The following NELL1 variants were observed in gnomAD, a reference collection of about 807,000 sequenced individuals.
NELL1 encodes neural EGFL like 1, also known as protein kinase C-binding protein NELL1.
Under a neutral mutation model 107.4 loss-of-function variants are expected in NELL1, and 76 were observed. That is an observed-to-expected ratio of 0.71 (90% CI 0.59 to 0.86). The LOEUF (loss-of-function observed/expected upper bound fraction) is 0.86. Ranked by LOEUF, NELL1 falls within the 40% of genes least tolerant of loss-of-function variation. NELL1 has a pLI of 0.00. For synonymous variants in NELL1, 353 were observed against 341.2 expected (o/e 1.03, Z -0.38); for missense variants, 1,024 against 1,005.5 (o/e 1.02, Z -0.25).
intron 14 of NELL1, among the ~76,000 whole-genome samples, chr11:21,238,106 A>T (rs892888651): frequency 2.0e-5 from 3 of 152,002 alleles, no homozygotes; most frequent in African/African-American, 7.2e-5. Flanking sequence ...TAGACTTCTC[A>T]TTTCTACTTC....
At chr11:20,831,721 A>G (rs757186182) in intron 3 of NELL1, among the ~76,000 whole-genome samples, 4 of 152,174 alleles carry the variant, frequency 2.6e-5, no homozygotes, top group Non-Finnish European at 5.9e-5. Context: ...CCCAAAATAA[A>G]TGATTCTAAA....
rs1854565672 is a variant in NELL1, at chr11:21,484,060, A to C, written c.1646-50314A>C. On this transcript the variant is annotated intron_variant, in intron 15 of 19. Transcript: ENST00000357134. ...CAAATGTGACCTCATTATATAAAATATCCTAAGTATTTAGCCAGCGTTAAT... is the reference window on the plus strand; with the variant it reads ...CAAATGTGACCTCATTATATAAAATCTCCTAAGTATTTAGCCAGCGTTAAT... Among the ~76,000 whole-genome samples the C allele has an allele frequency of 3.6e-5, 5 of 139,418 alleles. No homozygotes were observed. The East Asian group carries it at 1.0e-3, about 29-fold the overall frequency. 91.5% of individuals were successfully genotyped at this position (139,418 alleles called of 152,430 possible). A position where few individuals can be genotyped will look rare whatever the true frequency, so the allele number is the denominator to read the frequency against.
At chr11:20,981,966 C>G (rs948641412) in intron 12 of NELL1, among the ~76,000 whole-genome samples, 1 of 152,020 alleles carries the variant, frequency 6.6e-6, no homozygotes. Flanking sequence ...TTCTCTCTCT[C>G]TCTCTCTCTC....
At chr11:21,471,794 G>A (rs1854190685) in intron 15 of NELL1, among the ~76,000 whole-genome samples, 2 of 151,952 alleles carry the variant, frequency 1.3e-5, no homozygotes, top group African/African-American at 4.8e-5. Context: ...TCAATTCACT[G>A]AACAAATACA....
intron 13 of NELL1, among the ~76,000 whole-genome samples, chr11:21,141,300 G>T (rs1855861761): frequency 6.6e-6 from 1 of 152,168 alleles, no homozygotes; most frequent in South Asian, 2.1e-4. Context: ...TGTTCCTTCA[G>T]GACACAATCT....
At chr11:21,422,511 T>C (rs1371916744) in intron 15 of NELL1, among the ~76,000 whole-genome samples, 1 of 152,122 alleles carries the variant, frequency 6.6e-6, no homozygotes, top group Non-Finnish European at 1.5e-5. Flanking sequence ...CAATTATTAG[T>C]ATATTTATTA....
At chr11:21,155,960 C>T (rs777739652) in intron 13 of NELL1, among the ~76,000 whole-genome samples, 9 of 152,134 alleles carry the variant, frequency 5.9e-5, no homozygotes, top group Admixed American at 3.3e-4. Flanking sequence ...GCCCACATGG[C>T]GAGCACAGGT....
intron 2 of NELL1, among the ~76,000 whole-genome samples, chr11:20,715,311 T>G (rs923605337): frequency 1.2e-4 from 18 of 151,930 alleles, no homozygotes; most frequent in Non-Finnish European, 1.9e-4. Context: ...TTGTTTTTTT[T>G]TTTTTTTAAA....
intron 2 of NELL1, among the ~76,000 whole-genome samples, chr11:20,732,269 TGAATCTGAATAAATG>T (rs1438169365): frequency 2.4e-4 from 36 of 152,146 alleles, no homozygotes; most frequent in Admixed American, 2.4e-3. Flanking sequence ...TTATGCTTCA[TGAATCTGAATAAATG>T]GGAGAGAATA....
chr11:20,980,377 T>C (rs2134242970), intron 12 of NELL1, among the ~76,000 whole-genome samples: 2 of 152,320 alleles, frequency 1.3e-5, no homozygotes, highest in East Asian at 3.9e-4. Flanking sequence ...GGAATTTAGA[T>C]TGGCCCATTA....
chr11:21,403,879 A>T (rs1322210670), intron 15 of NELL1, among the ~76,000 whole-genome samples: 1 of 150,316 alleles, frequency 6.7e-6, no homozygotes, highest in South Asian at 2.1e-4. Flanking sequence ...AGCTATCTCC[A>T]TCAATTCCAG....
chr11:21,235,530 A>G (rs1858184078), intron 14 of NELL1, among the ~76,000 whole-genome samples: 1 of 152,096 alleles, frequency 6.6e-6, no homozygotes, highest in African/African-American at 2.4e-5. Context: ...GGGGAGGTAT[A>G]TCTTTGGTAG....
intron 15 of NELL1, among the ~76,000 whole-genome samples, chr11:21,494,730 G>A (rs1463003792): frequency 6.6e-6 from 1 of 151,810 alleles, no homozygotes; most frequent in African/African-American, 2.4e-5. Context: ...ATAACAAATT[G>A]TGAAATATTC....
intron 2 of NELL1, among the ~76,000 whole-genome samples, chr11:20,722,104 T>G (rs1855405111): frequency 6.8e-6 from 1 of 148,114 alleles, no homozygotes; most frequent in African/African-American, 2.5e-5. Context: ...TCACTGCACC[T>G]GCATCTCCCA....
At chr11:20,918,293 C>A in intron 6 of NELL1, 39 bp downstream of exon 6, 1 of 1,220,460 alleles carries the variant, frequency 8.2e-7, no homozygotes, top group Non-Finnish European at 1.2e-6. Context: ...TATTATATAA[C>A]TTGTTGATTG....
intron 15 of NELL1, among the ~76,000 whole-genome samples, chr11:21,498,266 T>C (rs1023115315): frequency 2.0e-5 from 3 of 149,996 alleles, no homozygotes; most frequent in African/African-American, 7.3e-5. Flanking sequence ...ACATAAATAA[T>C]TATAAAAATT....
At chr11:21,000,571 A>G (rs780544016) in intron 12 of NELL1, among the ~76,000 whole-genome samples, 1 of 152,186 alleles carries the variant, frequency 6.6e-6, no homozygotes, top group Non-Finnish European at 1.5e-5. Context: ...TCAAAGTCTC[A>G]TGATTTTCCT....
intron 12 of NELL1, among the ~76,000 whole-genome samples, chr11:20,981,776 T>A (rs1207496876): frequency 6.6e-6 from 1 of 152,162 alleles, no homozygotes; most frequent in African/African-American, 2.4e-5. Context: ...AAGGGCCAAT[T>A]GTGCTGATCA....
chr11:21,206,040 A>G (rs1179863521), intron 13 of NELL1, among the ~76,000 whole-genome samples: 2 of 152,214 alleles, frequency 1.3e-5, no homozygotes, highest in East Asian at 1.9e-4. Context: ...GTGAAAAATT[A>G]TACAAAAATT....
Sources: allele counts gnomAD v4.1 joint callset (sites outside exome capture counted in the v4.1 genomes callset), GRCh38; gene constraint gnomAD v4.1.1; transcripts MANE v1.5; gene names NCBI Gene and HGNC (gene_info 2026-07-23, HGNC 2026-07-21).